Variants in ACYP2 observed in about 807,000 individuals in gnomAD.
ACYP2 encodes acylphosphatase-2.
Under a neutral mutation model 11.2 loss-of-function variants are expected in ACYP2, and 12 were observed. That is an observed-to-expected ratio of 1.08 (90% CI 0.69 to 1.74). ACYP2 has a LOEUF of 1.74. Ranked by LOEUF, ACYP2 falls within the 40% of genes most tolerant of loss-of-function variation. The pLI, the probability that ACYP2 is intolerant of heterozygous loss-of-function variation, is 0.00. For missense variants in ACYP2, 134 were observed against 101.9 expected, an observed-to-expected ratio of 1.31 and a Z score of -1.35; for synonymous variants, 43 against 32.2, an observed-to-expected ratio of 1.33 and a Z score of -1.13.
chr2:53,999,018 C>G (rs559973401), intron 2 of ACYP2, among the ~76,000 whole-genome samples: 6 of 152,080 alleles, frequency 3.9e-5, no homozygotes, highest in Non-Finnish European at 8.8e-5. Context: ...TTAGTGAGAA[C>G]TTGTCACATG....
intron 6 of ACYP2, among the ~76,000 whole-genome samples, chr2:54,240,958 T>C (rs953666740): frequency 4.6e-5 from 7 of 152,346 alleles, no homozygotes; most frequent in African/African-American, 1.7e-4. Context: ...ATTGAGGTAA[T>C]GAGGTTTTCT....
chr2:54,105,321 C>T (rs10173161), intron 4 of ACYP2, among the ~76,000 whole-genome samples: 2,174 of 152,206 alleles, frequency 0.014, 58 homozygotes, highest in African/African-American at 0.05. Context: ...TTGGGAAACT[C>T]GAGCTTTCTA....
intron 6 of ACYP2, among the ~76,000 whole-genome samples, chr2:54,184,114 C>T (rs1683869078): frequency 6.6e-6 from 1 of 152,134 alleles, no homozygotes; most frequent in Admixed American, 6.5e-5. Flanking sequence ...AATTCTTTCA[C>T]CTAAGCATTC....
At chr2:54,191,176 C>G (rs1684223088) in intron 6 of ACYP2, among the ~76,000 whole-genome samples, 1 of 152,114 alleles carries the variant, frequency 6.6e-6, no homozygotes, top group African/African-American at 2.4e-5. Flanking sequence ...CTCTGCACAA[C>G]AGCCACCCTA....
In ACYP2 at chr2:54,003,426, A is replaced by G. The variant is rs534753470; in HGVS notation, c.62+29616A>G. ...AGGCATCTGCCACCACATCCGGCTA[A>G]TTTTTGTATTTTTAGTATAGATGGG... On this transcript the variant is annotated intron_variant, in intron 2 of 6. Transcript: ENST00000607452. Among the ~76,000 whole-genome samples, 3 of 152,054 alleles carry G rather than the reference A, an allele frequency of 2.0e-5. No individual in the cohort carries two copies. The East Asian group carries it at 5.8e-4, about 30-fold the overall frequency.
intron 6 of ACYP2, among the ~76,000 whole-genome samples, chr2:54,153,649 G>T (rs1373033216): frequency 2.0e-5 from 3 of 150,310 alleles, no homozygotes; most frequent in Non-Finnish European, 1.5e-5. Flanking sequence ...ACCCAGGCTG[G>T]AGTGCAGTGG....
At chr2:54,279,988 AG>A (rs1436155596) in intron 6 of ACYP2, among the ~76,000 whole-genome samples, 2 of 152,188 alleles carry the variant, frequency 1.3e-5, no homozygotes, top group Non-Finnish European at 2.9e-5. Flanking sequence ...CTTCAACTAC[AG>A]GGAAGATAAA....
intron 6 of ACYP2, among the ~76,000 whole-genome samples, chr2:54,296,567 TAA>T (rs903334662): frequency 5.9e-5 from 9 of 152,234 alleles, no homozygotes; most frequent in Middle Eastern, 3.4e-3. Flanking sequence ...TTCCATTCCA[TAA>T]AAAAATTGTC....
intron 2 of ACYP2, among the ~76,000 whole-genome samples, chr2:54,021,967 CAAGTA>C (rs1165518287): frequency 6.6e-6 from 1 of 151,960 alleles, no homozygotes; most frequent in East Asian, 1.9e-4. Flanking sequence ...GCCAGTGAGC[CAAGTA>C]AAAAAATAAA....
chr2:54,006,715 C>G (rs1457880501), intron 2 of ACYP2, among the ~76,000 whole-genome samples: 1 of 152,170 alleles, frequency 6.6e-6, no homozygotes, highest in Non-Finnish European at 1.5e-5. Context: ...TGACTGCAGC[C>G]TTGATCTCTT....
intron 2 of ACYP2, among the ~76,000 whole-genome samples, chr2:54,050,393 T>C (rs1488942505): frequency 2.0e-5 from 3 of 151,464 alleles, no homozygotes; most frequent in Non-Finnish European, 2.9e-5. Flanking sequence ...CTAGAAGTCA[T>C]TAAAAAATTA....
chr2:54,304,655 G>C, intron 6 of ACYP2, 33 bp from the exon 4 acceptor site: 6 of 1,498,656 alleles, frequency 4.0e-6, no homozygotes, highest in Non-Finnish European at 5.5e-6. Flanking sequence ...TACTTTGTAT[G>C]CTAATTTTAT....
At chr2:54,302,262 G>C (rs895696103) in intron 6 of ACYP2, among the ~76,000 whole-genome samples, 1 of 152,088 alleles carries the variant, frequency 6.6e-6, no homozygotes. Context: ...AACTGCTCCT[G>C]CTCCTGCCAA....
At chr2:54,242,353 C>T (rs946873321) in intron 6 of ACYP2, among the ~76,000 whole-genome samples, 4 of 152,148 alleles carry the variant, frequency 2.6e-5, no homozygotes, top group African/African-American at 7.2e-5. Context: ...TGTCCTGTGA[C>T]GTCAACTGAA....
chr2:54,046,235 G>T (rs542539441), intron 2 of ACYP2, among the ~76,000 whole-genome samples: 5 of 151,672 alleles, frequency 3.3e-5, no homozygotes, highest in Admixed American at 6.6e-5. Flanking sequence ...CAGCAATTTG[G>T]GGGGAGGCTG....
At chr2:54,031,460 C>CT (rs985371318) in intron 2 of ACYP2, among the ~76,000 whole-genome samples, 1 of 152,028 alleles carries the variant, frequency 6.6e-6, no homozygotes, top group African/African-American at 2.4e-5. Context: ...TGAACTCATC[C>CT]TTTTTTATGG....
chr2:54,285,818 TGG>T (rs1417961035), intron 6 of ACYP2, among the ~76,000 whole-genome samples: 1 of 152,220 alleles, frequency 6.6e-6, no homozygotes, highest in African/African-American at 2.4e-5. Flanking sequence ...TCCTGCTGTC[TGG>T]AACACAGATG....
intron 6 of ACYP2, among the ~76,000 whole-genome samples, chr2:54,151,839 C>A (rs1682186234): frequency 6.6e-6 from 1 of 152,006 alleles, no homozygotes; most frequent in Non-Finnish European, 1.5e-5. Flanking sequence ...GTACTAATTA[C>A]TTTTTATCTT....
intron 6 of ACYP2, among the ~76,000 whole-genome samples, chr2:54,147,560 T>C (rs1681953291): frequency 1.3e-5 from 2 of 152,208 alleles, no homozygotes. Flanking sequence ...GATCTTGCTC[T>C]GTTGCCCAGG....
Sources: allele counts gnomAD v4.1 joint callset (sites outside exome capture counted in the v4.1 genomes callset), GRCh38; gene constraint gnomAD v4.1.1; transcripts MANE v1.5; gene names NCBI Gene and HGNC (gene_info 2026-07-23, HGNC 2026-07-21).